Variants in SLIT3 observed in about 807,000 individuals in gnomAD.
SLIT3 encodes slit guidance ligand 3, also known as slit homolog 3 protein.
A neutral mutation model predicts 184.0 loss-of-function variants in SLIT3; 68 were observed. That is an observed-to-expected ratio of 0.37 (90% CI 0.30 to 0.45). The LOEUF is 0.45. Among genes scored for constraint, SLIT3 ranks in the 20% least tolerant of loss-of-function variants. SLIT3 has a pLI of 1.00. For missense variants in SLIT3, 1,707 were observed against 2,026.0 expected (o/e 0.84, Z 3.02); for synonymous variants, 831 against 828.6 (o/e 1.00, Z -0.05).
At chr5:169,098,981 C>G (rs868283489) in intron 4 of SLIT3, among the ~76,000 whole-genome samples, 1 of 151,958 alleles carries the variant, frequency 6.6e-6, no homozygotes, top group Admixed American at 6.6e-5. Context: ...ATGCCTGCAC[C>G]CTTCCAGCAG....
At chr5:168,891,452 T>C (rs1581183834) in intron 4 of SLIT3, among the ~76,000 whole-genome samples, 1 of 152,064 alleles carries the variant, frequency 6.6e-6, no homozygotes, top group Non-Finnish European at 1.5e-5. Context: ...CCTTCAAGCT[T>C]GGAGGGGAGA....
intron 1 of SLIT3, among the ~76,000 whole-genome samples, chr5:169,295,108 TAAA>T (rs1012285749): frequency 5.3e-5 from 8 of 152,220 alleles, no homozygotes; most frequent in Non-Finnish European, 1.2e-4. Context: ...TAGGCTGTAC[TAAA>T]TTTATTAAAA....
chr5:168,919,996 T>C (rs2113119739), intron 4 of SLIT3, among the ~76,000 whole-genome samples: 1 of 152,322 alleles, frequency 6.6e-6, no homozygotes, highest in South Asian at 2.1e-4. Flanking sequence ...TACTAAGTTA[T>C]TTAGAGGTGT....
intron 2 of SLIT3, among the ~76,000 whole-genome samples, chr5:169,246,246 A>G (rs1002031208): frequency 6.6e-6 from 1 of 152,186 alleles, no homozygotes; most frequent in African/African-American, 2.4e-5. Context: ...ACAGTTTGCC[A>G]TGTCCTCATC....
intron 4 of SLIT3, among the ~76,000 whole-genome samples, chr5:169,190,568 C>T (rs1763522217): frequency 6.6e-6 from 1 of 152,134 alleles, no homozygotes; most frequent in African/African-American, 2.4e-5. Context: ...TATTCAAAGC[C>T]TGTTTTTATT....
At chr5:169,137,653 T>G (rs1393762148) in intron 4 of SLIT3, among the ~76,000 whole-genome samples, 2 of 151,860 alleles carry the variant, frequency 1.3e-5, no homozygotes, top group Non-Finnish European at 2.9e-5. Context: ...GTGATTACCT[T>G]TAAACTGCCT....
chr5:168,978,913 C>G (rs927821427), intron 4 of SLIT3, among the ~76,000 whole-genome samples: 1 of 17,276 alleles, frequency 5.8e-5, no homozygotes, highest in Non-Finnish European at 1.1e-4. Context: ...GAGCTCATTT[C>G]AGGGGGGTGT....
chr5:169,015,987 A>AC (rs1561608940), intron 4 of SLIT3, among the ~76,000 whole-genome samples: 88 of 67,140 alleles, frequency 1.3e-3, no homozygotes, highest in Non-Finnish European at 1.8e-3. Flanking sequence ...CACACACACA[A>AC]CTTTCTGTCT....
intron 4 of SLIT3, among the ~76,000 whole-genome samples, chr5:168,932,592 C>A (rs750927514): frequency 1.2e-4 from 19 of 152,112 alleles, no homozygotes; most frequent in Non-Finnish European, 2.6e-4. Context: ...AGCGACTGCC[C>A]AGGGACACCC....
At chr5:168,926,556 C>T (rs745468613) in intron 4 of SLIT3, among the ~76,000 whole-genome samples, 3 of 152,170 alleles carry the variant, frequency 2.0e-5, no homozygotes, top group Admixed American at 6.5e-5. Context: ...TCTTTCCTAC[C>T]GGCAGACCTA....
chr5:169,199,701 C>T (rs1763853946), intron 3 of SLIT3, among the ~76,000 whole-genome samples: 1 of 152,156 alleles, frequency 6.6e-6, no homozygotes, highest in African/African-American at 2.4e-5. Flanking sequence ...GCTTGACCAA[C>T]GTGATAGTTG....
intron 15 of SLIT3, 45 bp from the exon 16 acceptor site, chr5:168,760,981 C>A (rs371927084): frequency 1.4e-4 from 191 of 1,408,252 alleles, no homozygotes; most frequent in Non-Finnish European, 1.7e-4. Context: ...GTGGACGAGG[C>A]CCCTCCTTCC....
At chr5:168,672,046 G>T (rs1289482643) in intron 33 of SLIT3, among the ~76,000 whole-genome samples, 4 of 152,208 alleles carry the variant, frequency 2.6e-5, no homozygotes, top group African/African-American at 4.8e-5. Context: ...TCAAGAGACT[G>T]TTAGTAAAGA....
At chr5:168,764,432 A>G (rs557533544) in intron 14 of SLIT3, among the ~76,000 whole-genome samples, 2 of 152,182 alleles carry the variant, frequency 1.3e-5, no homozygotes, top group African/African-American at 2.4e-5. Context: ...TGTGGTTAAC[A>G]TGTTTTGCTG....
intron 5 of SLIT3, among the ~76,000 whole-genome samples, chr5:168,882,216 C>A (rs561591011): frequency 2.6e-4 from 40 of 152,220 alleles, no homozygotes; most frequent in Middle Eastern, 3.4e-3. Flanking sequence ...GAATCTGGGG[C>A]TGCAGAGAAG....
chr5:169,171,856 C>A (rs1443241585), intron 4 of SLIT3, among the ~76,000 whole-genome samples: 1 of 152,170 alleles, frequency 6.6e-6, no homozygotes, highest in Non-Finnish European at 1.5e-5. Flanking sequence ...ACAACCCACC[C>A]AGAATGCCTA....
intron 4 of SLIT3, among the ~76,000 whole-genome samples, chr5:169,098,175 G>C (rs572102079): frequency 6.6e-6 from 1 of 152,012 alleles, no homozygotes; most frequent in African/African-American, 2.4e-5. Context: ...TCATGCCTTA[G>C]AGTTAATTAT....
At chr5:168,953,413 A>T (rs1486878652) in intron 4 of SLIT3, among the ~76,000 whole-genome samples, 5 of 152,228 alleles carry the variant, frequency 3.3e-5, no homozygotes, top group African/African-American at 1.2e-4. Context: ...TACTATGATC[A>T]TCCATTACTC....
At chr5:168,960,904 A>C (rs1374655642) in intron 4 of SLIT3, among the ~76,000 whole-genome samples, 2 of 152,220 alleles carry the variant, frequency 1.3e-5, no homozygotes. Flanking sequence ...AAGATCTTGG[A>C]CTGAGGCTAG....
Sources: allele counts gnomAD v4.1 joint callset (sites outside exome capture counted in the v4.1 genomes callset), GRCh38; gene constraint gnomAD v4.1.1; transcripts MANE v1.5; gene names NCBI Gene and HGNC (gene_info 2026-07-23, HGNC 2026-07-21).